CNBD1: variants seen among roughly 807,000 people sequenced by gnomAD.
CNBD1 encodes the protein cyclic nucleotide-binding domain-containing protein 1.
Under a neutral mutation model 54.4 loss-of-function variants are expected in CNBD1, and 71 were observed. The observed-to-expected ratio is 1.30, with a 90% CI of 1.08 to 1.59. CNBD1 has a LOEUF of 1.59. Ranked by LOEUF, CNBD1 falls within the 40% of genes most tolerant of loss-of-function variation. The pLI, the probability that CNBD1 is intolerant of heterozygous loss-of-function variation, is 0.00. For missense variants in CNBD1, 659 were observed against 518.0 expected, an observed-to-expected ratio of 1.27 and a Z score of -2.64; for synonymous variants, 182 against 170.7, an observed-to-expected ratio of 1.07 and a Z score of -0.51.
intron 8 of CNBD1, among the ~76,000 whole-genome samples, chr8:87,303,563 G>A (rs999513235): frequency 6.6e-6 from 1 of 152,148 alleles, no homozygotes; most frequent in Non-Finnish European, 1.5e-5. Flanking sequence ...ATACCATTCA[G>A]GACATAGGCA....
chr8:87,074,032 C>A, intron 4 of CNBD1, among the ~76,000 whole-genome samples: 1 of 148,524 alleles, frequency 6.7e-6, no homozygotes, highest in Non-Finnish European at 1.5e-5. Flanking sequence ...ACCTGGGAGG[C>A]AGAGCTTGCA....
intron 4 of CNBD1, among the ~76,000 whole-genome samples, chr8:87,070,581 A>AT (rs908983223): frequency 4.9e-4 from 74 of 151,460 alleles, no homozygotes; most frequent in Admixed American, 3.1e-3. Context: ...AGAAAAAGAG[A>AT]TTTTTTTTTC....
intron 5 of CNBD1, among the ~76,000 whole-genome samples, chr8:87,233,555 G>T (rs1229163026): frequency 6.6e-6 from 1 of 152,140 alleles, no homozygotes; most frequent in Non-Finnish European, 1.5e-5. Flanking sequence ...TTTTCTAGTG[G>T]AGGGTCTTGC....
chr8:87,326,496 C>G (rs113348785), intron 8 of CNBD1, among the ~76,000 whole-genome samples: 1 of 119,024 alleles, frequency 8.4e-6, no homozygotes, highest in Non-Finnish European at 1.9e-5. Context: ...GGAGGCTTTG[C>G]TCATTTCTTT....
intron 6 of CNBD1, among the ~76,000 whole-genome samples, chr8:87,261,650 A>G (rs1449141268): frequency 6.6e-6 from 1 of 152,034 alleles, no homozygotes; most frequent in African/African-American, 2.4e-5. Context: ...CTTAGCAGTC[A>G]ATGGGTGGTT....
chr8:87,202,213 A>C (rs1019388451), intron 4 of CNBD1, among the ~76,000 whole-genome samples: 2 of 152,114 alleles, frequency 1.3e-5, no homozygotes, highest in African/African-American at 4.8e-5. Flanking sequence ...AAATATGTTA[A>C]CACAGTAACT....
intron 8 of CNBD1, among the ~76,000 whole-genome samples, chr8:87,334,012 C>G (rs7831360): frequency 0.76 from 114,829 of 152,022 alleles, 44,484 homozygotes; most frequent in African/African-American, 0.92. Flanking sequence ...TTTTTTGTTT[C>G]TTTGTTTTTT....
At chr8:87,399,809 G>T (rs1807515674) in intron 2 of CNBD1, among the ~76,000 whole-genome samples, 1 of 151,908 alleles carries the variant, frequency 6.6e-6, no homozygotes, top group South Asian at 2.1e-4. Context: ...CTCAACTGGT[G>T]AAAAAGTATT....
At chr8:87,073,633 T>A (rs916242788) in intron 4 of CNBD1, among the ~76,000 whole-genome samples, 1 of 152,108 alleles carries the variant, frequency 6.6e-6, no homozygotes, top group South Asian at 2.1e-4. Context: ...CCCGGATGTA[T>A]CACTAGTGAA....
intron 4 of CNBD1, among the ~76,000 whole-genome samples, chr8:87,154,739 T>C (rs1281920855): frequency 6.6e-6 from 1 of 152,156 alleles, no homozygotes; most frequent in African/African-American, 2.4e-5. Context: ...GAAGTTGATA[T>C]TAGAACCTAG....
rs116345842 is a variant in CNBD1 at position 87,254,622 on chromosome 8, G to A, written c.771+17510G>A. Among the ~76,000 whole-genome samples the A allele has an allele frequency of 8.4e-3, 1,274 of 152,164 alleles. 19 individuals are homozygous for A. Among genetic ancestry groups the A allele is most frequent in the African/African-American group, 0.029 (1,210 of 41,510 alleles). ...AATGACTTCACTGTAACAAAGATAT[G>A]GATAATTTGGAACCCTCATTCATTA... On this transcript the variant is annotated intron_variant, in intron 6 of 10. Transcript: ENST00000518476.
At chr8:86,970,319 G>T (rs749059255) in intron 4 of CNBD1, among the ~76,000 whole-genome samples, 10 of 152,002 alleles carry the variant, frequency 6.6e-5, no homozygotes, top group Non-Finnish European at 1.0e-4. Context: ...TGTCCTATGT[G>T]TCTTATTTTT....
chr8:87,125,218 G>A (rs1374512918), intron 4 of CNBD1, among the ~76,000 whole-genome samples: 1 of 151,652 alleles, frequency 6.6e-6, no homozygotes. Context: ...ACTACCCAAA[G>A]TGATTTATAA....
intron 4 of CNBD1, among the ~76,000 whole-genome samples, chr8:87,200,698 A>G (rs552268909): frequency 6.6e-6 from 1 of 152,254 alleles, no homozygotes; most frequent in East Asian, 1.9e-4. Flanking sequence ...ACAAATTACC[A>G]AAATTGACTC....
chr8:87,048,368 G>A (rs1477036343), intron 4 of CNBD1, among the ~76,000 whole-genome samples: 1 of 152,182 alleles, frequency 6.6e-6, no homozygotes, highest in East Asian at 1.9e-4. Context: ...AATCCAATTT[G>A]GAGGCAGTGC....
At chr8:87,077,809 G>T (rs955483363) in intron 4 of CNBD1, among the ~76,000 whole-genome samples, 5 of 152,002 alleles carry the variant, frequency 3.3e-5, no homozygotes, top group African/African-American at 1.2e-4. Flanking sequence ...TCTTAATCCA[G>T]TCTATCATTG....
At position 87,287,414 on chromosome 8, in the gene CNBD1, G is replaced by A. The variant is rs570865492; in HGVS notation, c.1042+743G>A. ...ATAACAGAGAGAGGATGGCGACCTCGACTCTCTTTCCTCACAGCCAGTGAA... is the reference window on the plus strand; with the variant it reads ...ATAACAGAGAGAGGATGGCGACCTCAACTCTCTTTCCTCACAGCCAGTGAA... On this transcript the variant is annotated intron_variant, in intron 8 of 10. Coordinates refer to ENST00000518476, the MANE Select transcript of CNBD1 (RefSeq NM_173538.3). Among the ~76,000 whole-genome samples the A allele has an allele frequency of 4.6e-5, 7 of 152,214 alleles. No homozygotes were observed. The South Asian group carries it at 6.2e-4, about 14-fold the overall frequency.
At chr8:86,924,592 C>A (rs1402136590) in intron 3 of CNBD1, among the ~76,000 whole-genome samples, 1 of 152,010 alleles carries the variant, frequency 6.6e-6, no homozygotes, top group African/African-American at 2.4e-5. Flanking sequence ...ACAGTGAAGA[C>A]AATGAATATT....
intron 6 of CNBD1, among the ~76,000 whole-genome samples, chr8:87,244,343 G>A (rs76823377): frequency 0.019 from 2,841 of 152,214 alleles, 87 homozygotes; most frequent in African/African-American, 0.062. Context: ...TAGGAGGCAG[G>A]TTGGCCCTGA....
Sources: allele counts gnomAD v4.1 joint callset (sites outside exome capture counted in the v4.1 genomes callset), GRCh38; gene constraint gnomAD v4.1.1; transcripts MANE v1.5; gene names NCBI Gene and HGNC (gene_info 2026-07-23, HGNC 2026-07-21).